The following DST variants were observed in gnomAD, a reference collection of about 807,000 sequenced individuals.
The protein encoded by DST is dystonin, also known as bullous pemphigoid antigen.
A neutral mutation model predicts 875.2 loss-of-function variants in DST; 253 were observed. The observed-to-expected ratio is 0.29, with a 90% CI of 0.26 to 0.32. The LOEUF (loss-of-function observed/expected upper bound fraction) is 0.32. DST is among the 10% of genes least tolerant of loss of function. The pLI is 1.00. For synonymous variants in DST, 3,124 were observed against 3,197.1 expected (o/e 0.98, Z 0.77); for missense variants, 8,287 against 9,111.6 (o/e 0.91, Z 3.68).
Position 56,645,956 on chromosome 6 carries a change from C to T in DST, c.1688G>A (p.Gly563Asp). 6.2e-7 allele frequency: 1 copy of T among 1,613,712 alleles called. No individual in the cohort carries two copies. The highest frequency in any genetic ancestry group is 8.5e-7 in the Non-Finnish European group (1 of 1,179,756). Residue 563 changes from glycine to aspartate, a missense_variant, in exon 15 of 104, where the codon GGT (glycine) becomes GAT (aspartate). Around this residue, in one of 10 missense-constraint regions of DST, gnomAD observed 1,160 missense variants for 1,424.3 expected, o/e 0.81. Coordinates refer to ENST00000680361, the MANE Select transcript of DST (RefSeq NM_001374736.1). ...IEFGRIKLLQGYHPNDIEKEW... is the reference protein window; with the variant it reads ...IEFGRIKLLQDYHPNDIEKEW... ...TTTTTCTATGTCATTTGGATGATAA[C>T]CTTGAAGGAGCTTGATGCGTCCAAA...
chr6:56,601,454 C>G lies in DST; in HGVS notation c.11530G>C (p.Asp3844His). The G allele has an allele frequency of 6.3e-7, 1 of 1,591,284 alleles. No homozygotes were observed. Among genetic ancestry groups the G allele is most frequent in the Non-Finnish European group, 8.6e-7 (1 of 1,168,124 alleles). The stretch of plus-strand genomic sequence containing the variant: ...GAAGAAAGGCAAACCTTCTGATCAT[C>G]AAGATCTTGTTCTAGATGTAACTGA... Reference protein sequence around the residue: ...ETQLHLEQDLDDQKIVAERQQ... With the variant: ...ETQLHLEQDLHDQKIVAERQQ... The change falls in exon 44 of 104, where the codon GAT (aspartate) becomes CAT (histidine). Residue 3844 changes from aspartate to histidine, a missense_variant. Coordinates refer to ENST00000680361, the MANE Select transcript of DST (RefSeq NM_001374736.1).
At chr6:56,550,838 C>T (rs1438240386) in intron 61 of DST, among the ~76,000 whole-genome samples, 6 of 152,114 alleles carry the variant, frequency 3.9e-5, no homozygotes, top group African/African-American at 7.2e-5. Flanking sequence ...ACTTTACTGA[C>T]GAAGGAAGAG....
intron 61 of DST, chr6:56,542,666 A>G: frequency 6.5e-6 from 1 of 152,822 alleles, no homozygotes; most frequent in Non-Finnish European, 1.5e-5. Flanking sequence ...CTAGAGAGAG[A>G]CGGTGGCGGT....
intron 55 of DST, among the ~76,000 whole-genome samples, chr6:56,562,775 T>A (rs1422856561): frequency 6.6e-6 from 1 of 151,768 alleles, no homozygotes; most frequent in Non-Finnish European, 1.5e-5. Flanking sequence ...TGTGTAATGT[T>A]CCCATCCCCG....
chr6:56,504,369 T>C (rs1262545829), intron 77 of DST, among the ~76,000 whole-genome samples: 3 of 152,114 alleles, frequency 2.0e-5, no homozygotes, highest in Non-Finnish European at 2.9e-5. Flanking sequence ...AAAAAAATCA[T>C]TTGAAAACAT....
Position 56,500,141 on chromosome 6 carries a change from AACCT to A in DST, c.19896+935_19896+938del, listed in dbSNP as rs143044176. Reference sequence around the variant, plus strand: ...AAACTGTACAGCATACAGTGCTAAAAACCTACCTTTTTAAAAAATGTGAATCAAT... The same window carrying A: ...AAACTGTACAGCATACAGTGCTAAAAACCTTTTTAAAAAATGTGAATCAAT... On this transcript the variant is annotated intron_variant, in intron 80 of 103. Transcript: ENST00000680361. Among the ~76,000 whole-genome samples, 617 of 152,276 alleles carry A rather than the reference AACCT, an allele frequency of 4.1e-3. 3 individuals are homozygous for A. Among genetic ancestry groups the A allele is most frequent in the African/African-American group, 0.014 (592 of 41,576 alleles).
At chr6:56,614,831 G>C in intron 36 of DST, 1 of 997,698 alleles carries the variant, frequency 1.0e-6, no homozygotes, top group Non-Finnish European at 1.2e-6. Flanking sequence ...TAATTGTCCT[G>C]ACAAAAAGGT....
chr6:56,582,686 C>T (rs1045538301), intron 49 of DST, among the ~76,000 whole-genome samples: 9 of 151,478 alleles, frequency 5.9e-5, no homozygotes, highest in Non-Finnish European at 1.3e-4. Context: ...TGCTGGTGTG[C>T]TGCACCCATT....
At chr6:56,888,431 A>T (rs894540447) in intron 3 of DST, among the ~76,000 whole-genome samples, 6 of 152,182 alleles carry the variant, frequency 3.9e-5, no homozygotes, top group Non-Finnish European at 8.8e-5. Flanking sequence ...GGGAAAAGGA[A>T]ACAAATGTTT....
intron 2 of DST, among the ~76,000 whole-genome samples, chr6:56,911,169 G>C (rs191072724): frequency 5.2e-4 from 79 of 152,298 alleles, no homozygotes; most frequent in Non-Finnish European, 1.2e-4. Flanking sequence ...AGCCTGGGCT[G>C]CTTAGCATAG....
chr6:56,629,513 A>G (rs541352048), intron 31 of DST, 70 bp from the exon 32 acceptor site: 5 of 1,142,724 alleles, frequency 4.4e-6, no homozygotes, highest in African/African-American at 1.5e-5. Context: ...TTATTTACCT[A>G]ATTTTACAAT....
Position 56,653,695 on chromosome 6 carries a change from C to CA in DST, c.1215-2452dup, listed in dbSNP as rs200992932. On this transcript the variant is annotated intron_variant, in intron 10 of 103. Coordinates refer to ENST00000680361, the MANE Select transcript of DST (RefSeq NM_001374736.1). ...AGCGAAACTCCATCTCAAAAAAACA[C>CA]AAAAAACCACTATGAAAAAGTAATA... Among the ~76,000 whole-genome samples, 886 of 152,084 alleles carry CA rather than the reference C, an allele frequency of 5.8e-3. 4 individuals carry two copies. Among genetic ancestry groups the CA allele is most frequent in the African/African-American group, 0.02 (846 of 41,486 alleles).
In DST at chr6:56,608,393, C is replaced by T; in HGVS notation, c.6235G>A (p.Glu2079Lys). 1 of 1,613,316 alleles carries T rather than the reference C, an allele frequency of 6.2e-7. No homozygotes were observed. The change falls in exon 40 of 104, where the codon GAA (glutamate) becomes AAA (lysine). Residue 2079 changes from glutamate (E) to lysine (K), a missense_variant. This residue lies in a region of DST where 3,138 missense variants were observed against 3,116.6 expected (regional missense o/e 1.01). Transcript: ENST00000680361. ...AAGGAAGATGATGTGGGAAATATTT[C>T]ACCAGAATGGGGCCAAATGAGTCCA... is the stretch of plus-strand genomic sequence containing the variant. ...YVGLIWPHSG[E>K]IFPTSSSLQQ...
chr6:56,642,139 CAAGTTTCAAA>C, intron 16 of DST, 38 bp from the exon 17 acceptor site: 1 of 1,541,914 alleles, frequency 6.5e-7, no homozygotes, highest in Non-Finnish European at 8.9e-7. Flanking sequence ...TTCTGTGAAA[CAAGTTTCAAA>C]ACAACCTGAA....
chr6:56,550,394 ACT>A (rs1449500225), intron 61 of DST, among the ~76,000 whole-genome samples: 1 of 152,204 alleles, frequency 6.6e-6, no homozygotes, highest in Non-Finnish European at 1.5e-5. Context: ...AGAAATTATC[ACT>A]CTATATTTCT....
At chr6:56,460,501 A>C (rs1207408405) in intron 102 of DST, 1 of 373,662 alleles carries the variant, frequency 2.7e-6, no homozygotes, top group East Asian at 4.6e-5. Context: ...AGAGAAAACA[A>C]AATGGAGACC....
intron 49 of DST, among the ~76,000 whole-genome samples, chr6:56,586,692 A>G (rs1268419959): frequency 2.6e-5 from 4 of 152,182 alleles, no homozygotes; most frequent in South Asian, 2.1e-4. Flanking sequence ...TCACACGGCC[A>G]GGTACTCCTC....
intron 61 of DST, among the ~76,000 whole-genome samples, chr6:56,539,015 T>C (rs1403225822): frequency 6.6e-6 from 1 of 151,464 alleles, no homozygotes; most frequent in Non-Finnish European, 1.5e-5. Flanking sequence ...TATCAAAAAG[T>C]GGGGGCGGAG....
chr6:56,711,225 A>G (rs2099362009), intron 5 of DST, among the ~76,000 whole-genome samples: 1 of 152,212 alleles, frequency 6.6e-6, no homozygotes, highest in Non-Finnish European at 1.5e-5. Flanking sequence ...TTATTAATAT[A>G]TTACAGATAA....
Sources: gnomAD v4.1 joint callset for allele counts (sites outside exome capture counted in the v4.1 genomes callset) on GRCh38, gnomAD v4.1.1 for gene constraint, gnomAD v4.1.1 regional missense constraint, MANE v1.5 for transcripts, NCBI Gene and HGNC (gene_info 2026-07-23, HGNC 2026-07-21) for gene names.